The following SAMSN1 variants were observed in gnomAD, a reference collection of about 807,000 sequenced individuals.
The protein encoded by SAMSN1 is SAM domain-containing protein SAMSN-1.
Under a neutral mutation model 42.0 loss-of-function variants are expected in SAMSN1, and 31 were observed. That is an observed-to-expected ratio of 0.74 (90% CI 0.55 to 1.00). SAMSN1 has a LOEUF of 1.00. Among genes scored for constraint, SAMSN1 ranks in the 50% least tolerant of loss-of-function variants. The pLI is 0.00. For synonymous variants in SAMSN1, 178 were observed against 151.9 expected (o/e 1.17, Z -1.26); for missense variants, 464 against 439.4 (o/e 1.06, Z -0.50).
chr21:14,501,895 A>C (rs1464142439), intron 5 of SAMSN1, among the ~76,000 whole-genome samples: 1 of 152,320 alleles, frequency 6.6e-6, no homozygotes, highest in East Asian at 1.9e-4. Context: ...ATAATTAACT[A>C]TAGGCTGCCA....
rs143012988 is a variant in SAMSN1 at position 14,655,291 on chromosome 21, TACAC to T, written c.24+3453_24+3456del. On this transcript the variant is annotated intron_variant, in intron 1 of 15. Transcript: ENST00000647101. ...ATAGAAGGATAAATAGAAAACATGATACACACAGGTAAAAGGTTAGAAGATATAT... is the reference window on the plus strand; with the variant it reads ...ATAGAAGGATAAATAGAAAACATGATACAGGTAAAAGGTTAGAAGATATAT... 9.1e-3 allele frequency among the ~76,000 whole-genome samples: 1,388 copies of T among 151,734 alleles called. 26 individuals carry two copies. Among genetic ancestry groups the T allele is most frequent in the African/African-American group, 0.032 (1,327 of 41,450 alleles).
intron 2 of SAMSN1, chr21:14,582,007 A>G: frequency 1.2e-6 from 1 of 838,706 alleles, no homozygotes. Flanking sequence ...TTTTGGAAAG[A>G]CAACTCTTGC....
upstream of SAMSN1, among the ~76,000 whole-genome samples, chr21:14,585,861 C>A (rs569857424): frequency 2.0e-5 from 3 of 152,152 alleles, no homozygotes; most frequent in East Asian, 5.8e-4. Context: ...TTCTGGACAA[C>A]CTCCTCTTGT....
chr21:14,552,953 C>CA (rs1980646287), intron 2 of SAMSN1, among the ~76,000 whole-genome samples: 1 of 151,958 alleles, frequency 6.6e-6, no homozygotes, highest in Non-Finnish European at 1.5e-5. Flanking sequence ...AAAATGCTTA[C>CA]ACTAAAAAAG....
intron 7 of SAMSN1, among the ~76,000 whole-genome samples, chr21:14,489,417 A>C (rs1287770081): frequency 6.6e-6 from 1 of 152,206 alleles, no homozygotes; most frequent in Non-Finnish European, 1.5e-5. Context: ...ACTTACAAAC[A>C]AAAGTGTTCA....
intron 6 of SAMSN1, among the ~76,000 whole-genome samples, chr21:14,499,422 T>C (rs1204017085): frequency 6.9e-6 from 1 of 145,410 alleles, no homozygotes; most frequent in Non-Finnish European, 1.5e-5. Context: ...TTTTAATTAC[T>C]AAAATAGAAT....
intron 5 of SAMSN1, among the ~76,000 whole-genome samples, chr21:14,602,324 C>T (rs143136892): frequency 6.6e-6 from 1 of 152,004 alleles, no homozygotes; most frequent in Non-Finnish European, 1.5e-5. Flanking sequence ...CGCTGACCAT[C>T]TGTGTCCCTG....
chr21:14,582,473 G>GA, exon 2 of SAMSN1: 1 of 1,220,956 alleles, frequency 8.2e-7, no homozygotes, highest in South Asian at 1.3e-5. Context: ...AGAAATCAAC[G>GA]TGTCATCTTC....
At chr21:14,502,064 C>T (rs948802210) in intron 5 of SAMSN1, among the ~76,000 whole-genome samples, 3 of 152,124 alleles carry the variant, frequency 2.0e-5, no homozygotes, top group African/African-American at 7.2e-5. Context: ...ATATTTTTGC[C>T]CTTTTTAAGT....
chr21:14,487,611 G>A (rs939091535), intron 7 of SAMSN1, among the ~76,000 whole-genome samples: 2 of 152,112 alleles, frequency 1.3e-5, no homozygotes, highest in Non-Finnish European at 2.9e-5. Flanking sequence ...AAAAATACTG[G>A]TTGAGAAAGG....
chr21:14,590,439 G>A (rs954382403), intron 7 of SAMSN1, among the ~76,000 whole-genome samples: 9 of 151,786 alleles, frequency 5.9e-5, no homozygotes, highest in South Asian at 2.1e-4. Flanking sequence ...CATCATGCCC[G>A]GTAATTTATT....
In SAMSN1 at chr21:14,590,693, T is replaced by C. The variant is rs140308687; in HGVS notation, c.465+3320A>G. Among the ~76,000 whole-genome samples, 9 of 152,320 alleles carry C rather than the reference T, an allele frequency of 5.9e-5. No homozygotes were observed. In the East Asian group the frequency reaches 1.7e-3, roughly 29 times the overall value. On this transcript the variant is annotated intron_variant, in intron 7 of 15. Transcript: ENST00000647101. ...ATTTTTTCTACTGGTAATTTGTTCTTAGCCACTTGAATGGGAAGGTGCTTA... is the reference window on the plus strand; with the variant it reads ...ATTTTTTCTACTGGTAATTTGTTCTCAGCCACTTGAATGGGAAGGTGCTTA...
chr21:14,506,111 A>G (rs1336429083), intron 5 of SAMSN1, among the ~76,000 whole-genome samples: 1 of 152,044 alleles, frequency 6.6e-6, no homozygotes, highest in Admixed American at 6.5e-5. Flanking sequence ...AAACACCTAC[A>G]TCAAAAGGTC....
chr21:14,565,851 T>G (rs1981101602), intron 2 of SAMSN1, among the ~76,000 whole-genome samples: 2 of 152,276 alleles, frequency 1.3e-5, no homozygotes, highest in East Asian at 1.9e-4. Context: ...TCTGAACATA[T>G]GAGGAGTTTA....
chr21:14,617,169 G>T (rs1486322362), intron 2 of SAMSN1, among the ~76,000 whole-genome samples: 2 of 152,126 alleles, frequency 1.3e-5, no homozygotes, highest in East Asian at 3.8e-4. Context: ...GGTGGATGGG[G>T]GTTGTAAGTA....
At chr21:14,595,457 G>A (rs1021166373) in intron 6 of SAMSN1, among the ~76,000 whole-genome samples, 1 of 152,078 alleles carries the variant, frequency 6.6e-6, no homozygotes, top group African/African-American at 2.4e-5. Flanking sequence ...AAGGTACTTT[G>A]CTATAGCTGC....
chr21:14,494,337 A>G (rs976945356), intron 7 of SAMSN1, among the ~76,000 whole-genome samples: 1 of 152,192 alleles, frequency 6.6e-6, no homozygotes, highest in African/African-American at 2.4e-5. Flanking sequence ...CAGACTGGAT[A>G]AAGAAAATCT....
In SAMSN1 at chr21:14,520,233, C is replaced by T. The variant is rs144930482; in HGVS notation, c.129+917G>A. 8.4e-4 allele frequency among the ~76,000 whole-genome samples: 127 copies of T among 152,042 alleles called. 1 individual carries two copies. The highest frequency in any genetic ancestry group is 3.4e-3 in the Middle Eastern group (1 of 294). ...GTACAAATGTGTATGTAGCACTCAC[C>T]AATGGGATGTTTCAGTGTACATTGA... On this transcript the variant is annotated intron_variant, in intron 2 of 7. Coordinates refer to ENST00000400566, the MANE Select transcript of SAMSN1 (RefSeq NM_022136.5).
intron 2 of SAMSN1, among the ~76,000 whole-genome samples, chr21:14,637,047 C>G (rs1328974646): frequency 6.6e-6 from 1 of 152,130 alleles, no homozygotes; most frequent in Non-Finnish European, 1.5e-5. Context: ...TATGCCTCTG[C>G]GCCATCAGCA....
Sources: allele counts gnomAD v4.1 joint callset (sites outside exome capture counted in the v4.1 genomes callset), GRCh38; gene constraint gnomAD v4.1.1; transcripts MANE v1.5; gene names NCBI Gene and HGNC (gene_info 2026-07-23, HGNC 2026-07-21).